TBC1D12: variants seen among roughly 807,000 people sequenced by gnomAD.
TBC1D12 encodes TBC1 domain family, member 12.
In TBC1D12, 56 loss-of-function variants were observed where a neutral mutation model predicts 86.7. The observed-to-expected ratio is 0.65, with a 90% confidence interval of 0.52 to 0.81. The LOEUF is 0.81. Ranked by LOEUF, TBC1D12 falls within the 30% of genes least tolerant of loss-of-function variation. The pLI is 0.00. For synonymous variants in TBC1D12, 421 were observed against 411.7 expected, an observed-to-expected ratio of 1.02 and a Z score of -0.27; for missense variants, 1,023 against 1,038.8, an observed-to-expected ratio of 0.98 and a Z score of 0.21.
At chr10:94,511,450 A>G (rs558022662) in intron 8 of TBC1D12, 133 bp from the exon 9 acceptor site, 27 of 667,206 alleles carry the variant, frequency 4.0e-5, no homozygotes, top group Non-Finnish European at 6.5e-5. Context: ...GGCAGAGTAC[A>G]TTTATAATAT....
chr10:94,518,708 ATTTTC>A (rs1319748632), intron 9 of TBC1D12, among the ~76,000 whole-genome samples: 1 of 152,148 alleles, frequency 6.6e-6, no homozygotes, highest in Non-Finnish European at 1.5e-5. Flanking sequence ...ACTTTTTCTT[ATTTTC>A]TTTTCATATA....
chr10:94,531,464 G>A lies in TBC1D12; in HGVS notation c.2259+4G>A. The A allele has an allele frequency of 6.2e-7, 1 of 1,604,324 alleles. No homozygotes were observed. The highest frequency in any genetic ancestry group is 8.5e-7 in the Non-Finnish European group (1 of 1,174,118). ...TAGCACCAAAAAATGGACTCAGGTAGAGTGACATTTTCTTATCTTTAATAG... is the reference window on the plus strand; with the variant it reads ...TAGCACCAAAAAATGGACTCAGGTAAAGTGACATTTTCTTATCTTTAATAG... On this transcript the variant is annotated splice_donor_region_variant and intron_variant, in intron 12 of 12. Coordinates refer to ENST00000225235, the MANE Select transcript of TBC1D12 (RefSeq NM_015188.2).
chr10:94,450,999 G>T (rs950049006), intron 2 of TBC1D12, among the ~76,000 whole-genome samples: 1 of 152,004 alleles, frequency 6.6e-6, no homozygotes, highest in African/African-American at 2.4e-5. Flanking sequence ...TAGAACAGAG[G>T]ATACTAAAGG....
intron 1 of TBC1D12, among the ~76,000 whole-genome samples, chr10:94,409,982 A>G (rs2054909203): frequency 6.6e-6 from 1 of 152,140 alleles, no homozygotes; most frequent in Non-Finnish European, 1.5e-5. Flanking sequence ...TTCACATTTT[A>G]TTCATTATAG....
rs141683357 is a variant in TBC1D12, at chr10:94,480,876, C to CA, written c.1211+6106dup. On this transcript the variant is annotated intron_variant, in intron 3 of 12. Coordinates refer to ENST00000225235, the MANE Select transcript of TBC1D12 (RefSeq NM_015188.2). ...TGGGCAACAGAGCCAGACCTTGTCT[C>CA]AAAAAAAAAAAAAGACTTGAAAGTC... Among the ~76,000 whole-genome samples, 218 of 126,602 alleles carry CA rather than the reference C, an allele frequency of 1.7e-3. 1 individual carries two copies. The highest frequency in any genetic ancestry group is 2.6e-3 in the African/African-American group (89 of 34,284). The allele number at this position is 126,602 out of a possible 152,430, so 83.1% of individuals were successfully genotyped here. A position where few individuals can be genotyped will look rare whatever the true frequency, so the allele number is the denominator to read the frequency against.
At chr10:94,476,774 C>G (rs1266907296) in intron 3 of TBC1D12, among the ~76,000 whole-genome samples, 4 of 152,200 alleles carry the variant, frequency 2.6e-5, no homozygotes, top group African/African-American at 9.7e-5. Flanking sequence ...ACACCATACT[C>G]TATTTCATAT....
At chr10:94,510,250 A>C in intron 8 of TBC1D12, 71 bp downstream of exon 8, 1 of 1,107,302 alleles carries the variant, frequency 9.0e-7, no homozygotes, top group Non-Finnish European at 1.3e-6. Flanking sequence ...AGATTCTTTA[A>C]ATGAATAGCT....
intron 5 of TBC1D12, among the ~76,000 whole-genome samples, chr10:94,499,764 C>A (rs1231590797): frequency 3.9e-5 from 6 of 152,186 alleles, no homozygotes; most frequent in Non-Finnish European, 8.8e-5. Flanking sequence ...CAAGGTTATA[C>A]ATTTAATTAA....
rs1219317213 is a variant in TBC1D12, at chr10:94,535,584, G to A, written c.*2488G>A. The A allele has an allele frequency of 6.6e-6, 1 of 152,070 alleles. No individual in the cohort carries two copies. Among genetic ancestry groups the A allele is most frequent in the African/African-American group, 2.4e-5 (1 of 41,430 alleles). The allele number at this position is 152,070 out of a possible 1,614,324, so 9.4% of individuals were successfully genotyped here. ...ATAGGGACTTACTTATTGGAGACTG[G>A]TAATATAATAAAATATTGAAGGAGT... On this transcript the variant is annotated 3_prime_UTR_variant, in exon 13 of 13. Transcript: ENST00000225235.
chr10:94,522,389 C>G lies in TBC1D12; in HGVS notation c.1936C>G (p.Leu646Val). 1 of 1,465,780 alleles carries G rather than the reference C, an allele frequency of 6.8e-7. No homozygotes were observed. Among genetic ancestry groups the G allele is most frequent in the South Asian group, 1.3e-5 (1 of 76,870 alleles). 90.8% of individuals were successfully genotyped at this position (1,465,780 alleles called of 1,614,324 possible). A position where few individuals can be genotyped will look rare whatever the true frequency, so the allele number is the denominator to read the frequency against. ...ATTTGAAGTATTCTTTGAAGAAAAT[C>G]TTTCCAAATTATTTCTTCACTTCAA... Reference protein sequence around the residue: ...ATFEVFFEENLSKLFLHFKSY... With the variant: ...ATFEVFFEENVSKLFLHFKSY... Residue 646 changes from leucine to valine, a missense_variant, in exon 11 of 13, where the codon CTT (leucine) becomes GTT (valine). Coordinates refer to ENST00000225235, the MANE Select transcript of TBC1D12 (RefSeq NM_015188.2).
At chr10:94,476,873 C>T (rs2055996386) in intron 3 of TBC1D12, among the ~76,000 whole-genome samples, 1 of 152,118 alleles carries the variant, frequency 6.6e-6, no homozygotes, top group African/African-American at 2.4e-5. Context: ...CTACTTCTTA[C>T]TTACTCAATC....
chr10:94,459,061 CCATTTTACAGAGAGCTGATTGG>C (rs2055678118), intron 2 of TBC1D12, among the ~76,000 whole-genome samples: 7 of 436 alleles, frequency 0.016, no homozygotes, highest in Admixed American at 0.083. Flanking sequence ...ACTGATTGGT[CCATTTTACAGAGAGCTGATTGG>C]TCCATTTTAC....
intron 8 of TBC1D12, among the ~76,000 whole-genome samples, chr10:94,511,201 G>A (rs1239901547): frequency 6.8e-6 from 1 of 147,202 alleles, no homozygotes; most frequent in African/African-American, 2.5e-5. Context: ...GAGTTCAAGC[G>A]ATTCTTGTGC....
chr10:94,509,726 T>C (rs967672330), intron 7 of TBC1D12: 15 of 209,448 alleles, frequency 7.2e-5, no homozygotes, highest in Non-Finnish European at 3.7e-5. Flanking sequence ...GGAAAGACTC[T>C]TACTTTTCTG....
At chr10:94,492,180 T>C (rs2056254178) in intron 3 of TBC1D12, among the ~76,000 whole-genome samples, 1 of 152,194 alleles carries the variant, frequency 6.6e-6, no homozygotes, top group African/African-American at 2.4e-5. Flanking sequence ...TTAAACTTTA[T>C]CATAGTTATG....
chr10:94,531,100 T>C, intron 11 of TBC1D12, 102 bp from the exon 12 acceptor site: 1 of 1,337,656 alleles, frequency 7.5e-7, no homozygotes, highest in Non-Finnish European at 1.0e-6. Context: ...ATTTGCCTTC[T>C]TATCCCTAAT....
intron 11 of TBC1D12, among the ~76,000 whole-genome samples, chr10:94,523,806 T>G (rs1484621872): frequency 1.3e-5 from 2 of 151,864 alleles, no homozygotes; most frequent in African/African-American, 4.8e-5. Context: ...CTACAAAAAA[T>G]AAAAATAAAA....
chr10:94,451,517 T>C (rs1286896548), intron 2 of TBC1D12, among the ~76,000 whole-genome samples: 1 of 152,128 alleles, frequency 6.6e-6, no homozygotes, highest in African/African-American at 2.4e-5. Flanking sequence ...CTTGTGTTCC[T>C]AGCTGGTTCT....
chr10:94,515,343 G>A lies in TBC1D12; in HGVS notation c.1761+3689G>A, dbSNP rs10882466. On this transcript the variant is annotated intron_variant, in intron 9 of 12. Transcript: ENST00000225235. ...TGGAATATATAGGTTTGGTTTTTTT[G>A]TTTTGTTTTGTTTTTGTTTTTGAGA... is the stretch of plus-strand genomic sequence containing the variant. Among the ~76,000 whole-genome samples the A allele has an allele frequency of 2.7e-5, 4 of 150,866 alleles. No individual in the cohort carries two copies. In the East Asian group the frequency reaches 7.8e-4, roughly 29 times the overall value.
Sources: gnomAD v4.1 joint callset for allele counts (sites outside exome capture counted in the v4.1 genomes callset) on GRCh38, gnomAD v4.1.1 for gene constraint, MANE v1.5 for transcripts, NCBI Gene and HGNC (gene_info 2026-07-23, HGNC 2026-07-21) for gene names.